Variants in GRIA1 observed in about 807,000 individuals in gnomAD.
The protein encoded by GRIA1 is glutamate receptor 1.
In GRIA1, 31 loss-of-function variants were observed where a neutral mutation model predicts 99.2. The ratio of observed to expected loss-of-function variants is 0.31; its 90% CI spans 0.23 to 0.42. The LOEUF (loss-of-function observed/expected upper bound fraction) is 0.42. Ranked by LOEUF, GRIA1 falls within the 10% of genes least tolerant of loss-of-function variation. The pLI is 1.00. For synonymous variants in GRIA1, 438 were observed against 432.4 expected (o/e 1.01, Z -0.16); for missense variants, 782 against 1,157.5 (o/e 0.68, Z 4.71).
intron 13 of GRIA1, among the ~76,000 whole-genome samples, chr5:153,787,395 C>G (rs1324709821): frequency 6.6e-6 from 1 of 152,170 alleles, no homozygotes; most frequent in African/African-American, 2.4e-5. Flanking sequence ...ATGTATGTCA[C>G]CATGTCAGTG....
chr5:153,602,546 G>GAAAAT (rs79716066), intron 2 of GRIA1, among the ~76,000 whole-genome samples: 11 of 119,176 alleles, frequency 9.2e-5, no homozygotes, highest in African/African-American at 3.4e-4. Context: ...TAAAATAAAA[G>GAAAAT]AAAATAAAAT....
Position 153,542,579 on chromosome 5 carries a change from C to T in GRIA1, c.220+48514C>T, listed in dbSNP as rs543221557. ...TAAGTGTTTACAAGCAACTGGAGATCAGGAACTAGAGAAAATAATTCCATG... is the reference window on the plus strand; with the variant it reads ...TAAGTGTTTACAAGCAACTGGAGATTAGGAACTAGAGAAAATAATTCCATG... On this transcript the variant is annotated intron_variant, in intron 2 of 15. Transcript: ENST00000285900. 4.6e-5 allele frequency among the ~76,000 whole-genome samples: 7 copies of T among 152,322 alleles called. No individual in the cohort carries two copies. The South Asian group carries it at 1.5e-3, about 32-fold the overall frequency.
chr5:153,724,789 A>T (rs1760379177), intron 11 of GRIA1, among the ~76,000 whole-genome samples: 1 of 152,242 alleles, frequency 6.6e-6, no homozygotes, highest in Admixed American at 6.5e-5. Context: ...CCTGAAAGTG[A>T]TGGGGAGAAT....
Position 153,639,573 on chromosome 5 carries a change from A to G in GRIA1, c.221-7355A>G, listed in dbSNP as rs145432709. ...AGAGGTCTCCCTGACCATCCTGTCT[A>G]AAATAGTCCTGCCAGTCACTCTCAC... On this transcript the variant is annotated intron_variant, in intron 2 of 15. Transcript: ENST00000285900. 1.8e-3 allele frequency among the ~76,000 whole-genome samples: 275 copies of G among 152,308 alleles called. 1 individual carries two copies. The highest frequency in any genetic ancestry group is 6.2e-3 in the African/African-American group (257 of 41,562).
chr5:153,586,642 C>T (rs185965741), intron 2 of GRIA1, among the ~76,000 whole-genome samples: 15 of 152,250 alleles, frequency 9.9e-5, no homozygotes, highest in Non-Finnish European at 2.9e-5. Context: ...TCAGAGACCT[C>T]GGTGAGTGAG....
intron 5 of GRIA1, among the ~76,000 whole-genome samples, chr5:153,669,137 A>C (rs969817820): frequency 6.6e-6 from 1 of 152,200 alleles, no homozygotes; most frequent in Non-Finnish European, 1.5e-5. Context: ...TCTACTGTGC[A>C]CATTTACCTC....
At chr5:153,788,231 C>T (rs1366935776) in intron 13 of GRIA1, among the ~76,000 whole-genome samples, 1 of 152,174 alleles carries the variant, frequency 6.6e-6, no homozygotes, top group Admixed American at 6.5e-5. Flanking sequence ...CCTTCAATCC[C>T]CCATAACCAA....
chr5:153,564,472 C>T (rs1490887204), intron 2 of GRIA1, among the ~76,000 whole-genome samples: 2 of 152,150 alleles, frequency 1.3e-5, no homozygotes, highest in African/African-American at 4.8e-5. Context: ...TGTTTATTAT[C>T]TCTTATGGAT....
At chr5:153,597,179 G>C (rs142004036) in intron 2 of GRIA1, among the ~76,000 whole-genome samples, 1 of 152,186 alleles carries the variant, frequency 6.6e-6, no homozygotes, top group African/African-American at 2.4e-5. Flanking sequence ...TTGAAGGGGC[G>C]CTTTGGTCAA....
intron 11 of GRIA1, among the ~76,000 whole-genome samples, chr5:153,725,395 GA>G (rs1372111852): frequency 6.7e-6 from 1 of 148,834 alleles, no homozygotes; most frequent in Non-Finnish European, 1.5e-5. Context: ...TCACACATAA[GA>G]ATATTAACTT....
intron 2 of GRIA1, among the ~76,000 whole-genome samples, chr5:153,617,012 C>T (rs1766569571): frequency 6.6e-6 from 1 of 152,172 alleles, no homozygotes; most frequent in South Asian, 2.1e-4. Flanking sequence ...GCTGCTGCTG[C>T]TTGTCTTCTC....
intron 2 of GRIA1, among the ~76,000 whole-genome samples, chr5:153,603,577 A>G (rs1257857151): frequency 1.3e-5 from 2 of 152,220 alleles, no homozygotes; most frequent in Admixed American, 6.5e-5. Context: ...AAGGTAGTAA[A>G]GGCTTGAGAA....
chr5:153,657,446 C>A (rs968274751), intron 5 of GRIA1, among the ~76,000 whole-genome samples: 1 of 152,202 alleles, frequency 6.6e-6, no homozygotes, highest in African/African-American at 2.4e-5. Flanking sequence ...TTATCTATAA[C>A]AAATTTTCAG....
At chr5:153,609,555 C>CTTT (rs3036982) in intron 2 of GRIA1, among the ~76,000 whole-genome samples, 2 of 84,342 alleles carry the variant, frequency 2.4e-5, no homozygotes, top group East Asian at 3.6e-4. Flanking sequence ...AGACTCTTTT[C>CTTT]TTTTTTTTTT....
At chr5:153,622,775 G>A (rs536933347) in intron 2 of GRIA1, among the ~76,000 whole-genome samples, 18 of 152,212 alleles carry the variant, frequency 1.2e-4, no homozygotes, top group African/African-American at 4.1e-4. Context: ...TCTTTGCTGG[G>A]CCCTGAAAAT....
intron 3 of GRIA1, among the ~76,000 whole-genome samples, chr5:153,649,295 T>A (rs1436542262): frequency 6.6e-6 from 1 of 152,232 alleles, no homozygotes; most frequent in Non-Finnish European, 1.5e-5. Flanking sequence ...AAGTGTGTGA[T>A]AACTTGTTAC....
chr5:153,587,520 AG>A (rs1296720893), intron 2 of GRIA1, among the ~76,000 whole-genome samples: 2 of 152,184 alleles, frequency 1.3e-5, no homozygotes, highest in Non-Finnish European at 2.9e-5. Context: ...TCTAGTAGCC[AG>A]GCTTGAGAAA....
At chr5:153,592,354 G>T (rs1206761760) in intron 2 of GRIA1, among the ~76,000 whole-genome samples, 1 of 152,148 alleles carries the variant, frequency 6.6e-6, no homozygotes, top group Non-Finnish European at 1.5e-5. Flanking sequence ...TCTAGAGTTA[G>T]CAGAGTCCAG....
intron 2 of GRIA1, among the ~76,000 whole-genome samples, chr5:153,635,738 G>A (rs1237815284): frequency 6.6e-6 from 1 of 152,184 alleles, no homozygotes; most frequent in Non-Finnish European, 1.5e-5. Context: ...ACGTGGTAGA[G>A]CCTTGGCCTC....
Sources: gnomAD v4.1 joint callset for allele counts (sites outside exome capture counted in the v4.1 genomes callset) on GRCh38, gnomAD v4.1.1 for gene constraint, MANE v1.5 for transcripts, NCBI Gene and HGNC (gene_info 2026-07-23, HGNC 2026-07-21) for gene names.